PKIB: variants seen among roughly 807,000 people sequenced by gnomAD.
PKIB encodes cAMP-dependent protein kinase inhibitor beta, also known as PKI-beta.
In PKIB, 2 loss-of-function variants were observed where a neutral mutation model predicts 4.5. The ratio of observed to expected loss-of-function variants is 0.44; its 90% CI spans 0.18 to 1.39. The LOEUF (loss-of-function observed/expected upper bound fraction) is 1.39, where lower values mean the gene tolerates loss of function less well. Among genes scored for constraint, PKIB ranks in the 40% most tolerant of loss-of-function variants. PKIB has a pLI of 0.27. For missense variants in PKIB, 94 were observed against 92.6 expected (o/e 1.02, Z -0.06); for synonymous variants, 38 against 36.0 (o/e 1.06, Z -0.20).
intron 3 of PKIB, among the ~76,000 whole-genome samples, chr6:122,686,666 T>G (rs1778104452): frequency 6.6e-6 from 1 of 151,990 alleles, no homozygotes; most frequent in Non-Finnish European, 1.5e-5. Context: ...CCAGATAACT[T>G]CTTTAATTTC....
At chr6:122,564,417 T>C (rs758810444) in intron 2 of PKIB, among the ~76,000 whole-genome samples, 1 of 152,234 alleles carries the variant, frequency 6.6e-6, no homozygotes. Flanking sequence ...ATTTACTCTA[T>C]GTACCTCTAG....
chr6:122,487,040 A>G (rs1775788527), intron 2 of PKIB, among the ~76,000 whole-genome samples: 1 of 152,226 alleles, frequency 6.6e-6, no homozygotes, highest in South Asian at 2.1e-4. Context: ...CTTCAAATGT[A>G]AAAGCATTTT....
intron 3 of PKIB, among the ~76,000 whole-genome samples, chr6:122,692,353 G>C (rs562728602): frequency 6.6e-6 from 1 of 152,216 alleles, no homozygotes; most frequent in African/African-American, 2.4e-5. Flanking sequence ...AAAACCTCAG[G>C]AATCTGTCTG....
intron 2 of PKIB, chr6:122,482,544 ATTTTT>A (rs571676167): frequency 0.11 from 11,529 of 103,622 alleles, 522 homozygotes; most frequent in South Asian, 0.18. Context: ...TTTAGGTTGG[ATTTTT>A]TTTTTTTTTT....
At position 122,494,003 on chromosome 6, in the gene PKIB, A is replaced by G. The variant is rs556008536; in HGVS notation, c.-248+16064A>G. Reference sequence around the variant, plus strand: ...TAACTATTTTATTAAGTTGTCCTTAAGAGTCATGAGACATATATGCCCATG... The same window carrying G: ...TAACTATTTTATTAAGTTGTCCTTAGGAGTCATGAGACATATATGCCCATG... On this transcript the variant is annotated intron_variant, in intron 2 of 6. Transcript: ENST00000392491. Among the ~76,000 whole-genome samples, 7 of 152,246 alleles carry G rather than the reference A, an allele frequency of 4.6e-5. No individual in the cohort carries two copies. In the East Asian group the frequency reaches 1.4e-3, roughly 29 times the overall value.
At chr6:122,538,940 G>A (rs1297955125) in intron 2 of PKIB, among the ~76,000 whole-genome samples, 1 of 151,956 alleles carries the variant, frequency 6.6e-6, no homozygotes, top group Non-Finnish European at 1.5e-5. Flanking sequence ...TCTCTTTGAA[G>A]CAATTGTGAA....
At chr6:122,534,663 T>G (rs905415075) in intron 2 of PKIB, among the ~76,000 whole-genome samples, 1 of 151,910 alleles carries the variant, frequency 6.6e-6, no homozygotes, top group Non-Finnish European at 1.5e-5. Flanking sequence ...GAAAAATATA[T>G]AATATAATAT....
chr6:122,505,870 T>A (rs1011151296), intron 2 of PKIB, among the ~76,000 whole-genome samples: 1 of 152,098 alleles, frequency 6.6e-6, no homozygotes, highest in Non-Finnish European at 1.5e-5. Flanking sequence ...ATAAGATTAT[T>A]TATTTGATTT....
intron 2 of PKIB, among the ~76,000 whole-genome samples, chr6:122,557,423 T>A (rs1409544624): frequency 1.3e-5 from 2 of 152,206 alleles, no homozygotes; most frequent in Non-Finnish European, 2.9e-5. Flanking sequence ...TGTTTTGGAT[T>A]GTTCTGTGTC....
intron 2 of PKIB, among the ~76,000 whole-genome samples, chr6:122,520,661 T>TCCCTCCCC (rs543467489): frequency 1.8e-5 from 1 of 55,546 alleles, no homozygotes; most frequent in Non-Finnish European, 3.8e-5. Flanking sequence ...AAGTTTATGT[T>TCCCTCCCC]CCCACCCCCC....
At chr6:122,653,809 A>T (rs888816862) in intron 2 of PKIB, among the ~76,000 whole-genome samples, 1 of 152,060 alleles carries the variant, frequency 6.6e-6, no homozygotes, top group African/African-American at 2.4e-5. Flanking sequence ...AAAAGTACAA[A>T]AATTAGCTGG....
intron 2 of PKIB, among the ~76,000 whole-genome samples, chr6:122,502,011 G>C (rs1481861760): frequency 6.7e-6 from 1 of 149,048 alleles, no homozygotes; most frequent in Admixed American, 6.7e-5. Context: ...GGAGTGCAAT[G>C]GCACAATCTT....
At chr6:122,611,117 C>A (rs553667415) in intron 1 of PKIB, among the ~76,000 whole-genome samples, 1 of 152,366 alleles carries the variant, frequency 6.6e-6, no homozygotes, top group South Asian at 2.1e-4. Context: ...ATTTTCCCTG[C>A]TCCTAGGACC....
intron 2 of PKIB, among the ~76,000 whole-genome samples, chr6:122,572,521 AG>A (rs1773395838): frequency 6.6e-6 from 1 of 152,128 alleles, no homozygotes; most frequent in Admixed American, 6.5e-5. Flanking sequence ...TACATCAAAA[AG>A]TCTGAAACAG....
intron 4 of PKIB, among the ~76,000 whole-genome samples, chr6:122,724,432 G>T (rs574443038): frequency 6.6e-6 from 1 of 152,230 alleles, no homozygotes; most frequent in African/African-American, 2.4e-5. Flanking sequence ...CTTGCATTTG[G>T]TTTAATGTTC....
intron 3 of PKIB, among the ~76,000 whole-genome samples, chr6:122,595,010 A>G (rs1774134332): frequency 6.6e-6 from 1 of 152,134 alleles, no homozygotes; most frequent in African/African-American, 2.4e-5. Context: ...GTTTAATGGG[A>G]TCGTTGTTGC....
At chr6:122,644,745 C>G (rs1776245613) in intron 2 of PKIB, 1 of 141,556 alleles carries the variant, frequency 7.1e-6, no homozygotes, top group Non-Finnish European at 1.6e-5. Flanking sequence ...TTCAATACAT[C>G]TTGAAATTAT....
chr6:122,497,399 A>G (rs866938515), intron 2 of PKIB, among the ~76,000 whole-genome samples: 148 of 152,320 alleles, frequency 9.7e-4, no homozygotes, highest in Middle Eastern at 3.4e-3. Context: ...TGTAAATGGT[A>G]TTCACACCCT....
At chr6:122,671,951 A>G (rs1367149402) in intron 2 of PKIB, among the ~76,000 whole-genome samples, 1 of 152,156 alleles carries the variant, frequency 6.6e-6, no homozygotes, top group Non-Finnish European at 1.5e-5. Context: ...AGTACCAAAA[A>G]TTACCTTAAT....
Sources: allele counts gnomAD v4.1 joint callset (sites outside exome capture counted in the v4.1 genomes callset), GRCh38; gene constraint gnomAD v4.1.1; transcripts MANE v1.5; gene names NCBI Gene and HGNC (gene_info 2026-07-23, HGNC 2026-07-21).